Variants in ASPH observed in about 807,000 individuals in gnomAD.
The protein encoded by ASPH is aspartate beta-hydroxylase.
ASPH carries 100 observed loss-of-function variants against 118.4 expected under a neutral mutation model. The ratio of observed to expected loss-of-function variants is 0.84; its 90% CI spans 0.72 to 1.00. The LOEUF is 1.00. Ranked by LOEUF, ASPH falls within the 50% of genes least tolerant of loss-of-function variation. The pLI is 0.00. For missense variants in ASPH, 920 were observed against 919.5 expected (o/e 1.00, Z -0.01); for synonymous variants, 315 against 325.6 (o/e 0.97, Z 0.35).
At chr8:61,689,663 A>C in intron 1 of ASPH, 1 of 1,588,936 alleles carries the variant, frequency 6.3e-7, no homozygotes, top group Non-Finnish European at 8.6e-7. Context: ...CCTAAATAAC[A>C]AAAATATACC....
chr8:61,538,796 A>G (rs924020416), intron 21 of ASPH, among the ~76,000 whole-genome samples: 7 of 152,260 alleles, frequency 4.6e-5, no homozygotes, highest in African/African-American at 1.4e-4. Context: ...AAACTTATAT[A>G]TGATGCTATT....
chr8:61,681,987 T>C (rs1309616850), intron 2 of ASPH, among the ~76,000 whole-genome samples: 3 of 151,872 alleles, frequency 2.0e-5, no homozygotes, highest in Non-Finnish European at 4.4e-5. Flanking sequence ...ACAGCATTAG[T>C]ACTAAAAAAA....
At chr8:61,709,854 T>C (rs1303074983) in intron 1 of ASPH, among the ~76,000 whole-genome samples, 4 of 152,208 alleles carry the variant, frequency 2.6e-5, no homozygotes, top group Non-Finnish European at 4.4e-5. Context: ...TGAAAGTTGA[T>C]GTGCAAATGG....
intron 14 of ASPH, among the ~76,000 whole-genome samples, chr8:61,602,325 T>G (rs1228685308): frequency 1.3e-5 from 2 of 151,402 alleles, no homozygotes; most frequent in African/African-American, 4.9e-5. Flanking sequence ...TCAGTGCAAT[T>G]TATATTATAC....
rs533562117 is a variant in ASPH at position 61,607,278 on chromosome 8, A to G, written c.976+11700T>C. On this transcript the variant is annotated intron_variant, in intron 14 of 24. Coordinates refer to ENST00000379454, the MANE Select transcript of ASPH (RefSeq NM_004318.4). ...ATGAAAGGATGGCTGAAGTCCCAGG[A>G]CATGGTGCAAGCCGCCTGGCTTTCA... is the stretch of plus-strand genomic sequence containing the variant. The G allele has an allele frequency of 2.9e-4, 206 of 702,352 alleles. No homozygotes were observed. The African/African-American group carries it at 3.2e-3, about 11-fold the overall frequency. 43.5% of individuals were successfully genotyped at this position (702,352 alleles called of 1,614,324 possible). A position where few individuals can be genotyped will look rare whatever the true frequency, so the allele number is the denominator to read the frequency against.
At chr8:61,520,342 T>C (rs1812471714) in intron 22 of ASPH, among the ~76,000 whole-genome samples, 2 of 152,232 alleles carry the variant, frequency 1.3e-5, no homozygotes, top group South Asian at 4.1e-4. Context: ...AATTCCCTAT[T>C]CAAGATTCCT....
chr8:61,633,777 TTAAAA>T, intron 12 of ASPH, 50 bp from the exon 13 acceptor site: 1 of 1,300,056 alleles, frequency 7.7e-7, no homozygotes, highest in Non-Finnish European at 1.1e-6. Flanking sequence ...TGATCAGTGT[TTAAAA>T]TATGCGTTGC....
chr8:61,655,251 G>A (rs975707930), intron 3 of ASPH, among the ~76,000 whole-genome samples: 5 of 152,128 alleles, frequency 3.3e-5, no homozygotes, highest in Admixed American at 2.6e-4. Flanking sequence ...CTTCTTAGGT[G>A]CACTCCAGTA....
chr8:61,605,361 A>G (rs941257246), intron 14 of ASPH, among the ~76,000 whole-genome samples: 10 of 152,226 alleles, frequency 6.6e-5, no homozygotes, highest in Non-Finnish European at 1.2e-4. Flanking sequence ...ATATCTGTAT[A>G]GCATGACACC....
chr8:61,632,577 T>TCATCA (rs1305833916), intron 13 of ASPH: 1 of 437,094 alleles, frequency 2.3e-6, no homozygotes, highest in Non-Finnish European at 4.5e-6. Context: ...TGCCTAGTAG[T>TCATCA]CATCATGTAA....
At chr8:61,606,481 T>C (rs879890831) in intron 14 of ASPH, 5 of 152,206 alleles carry the variant, frequency 3.3e-5, no homozygotes, top group Non-Finnish European at 5.9e-5. Flanking sequence ...TCACTTTTAT[T>C]TCAAGTTTAA....
At chr8:61,712,972 T>A (rs952517053) in intron 1 of ASPH, among the ~76,000 whole-genome samples, 1 of 152,216 alleles carries the variant, frequency 6.6e-6, no homozygotes, top group African/African-American at 2.4e-5. Context: ...TTTAGGGATG[T>A]TAAAAAAGAG....
intron 21 of ASPH, among the ~76,000 whole-genome samples, chr8:61,532,083 T>A (rs992473835): frequency 6.6e-6 from 1 of 152,188 alleles, no homozygotes; most frequent in Non-Finnish European, 1.5e-5. Flanking sequence ...TGTATAATAA[T>A]TCTATTTTTA....
intron 24 of ASPH, among the ~76,000 whole-genome samples, chr8:61,505,493 C>A (rs1806138926): frequency 4.5e-5 from 5 of 110,540 alleles, no homozygotes; most frequent in South Asian, 3.1e-4. Flanking sequence ...GACTCCATCT[C>A]AAAAAAAAAA....
intron 18 of ASPH, among the ~76,000 whole-genome samples, chr8:61,558,881 C>T (rs1297285743): frequency 6.6e-6 from 1 of 152,176 alleles, no homozygotes; most frequent in Non-Finnish European, 1.5e-5. Flanking sequence ...TCCGCCTCTG[C>T]TGCCCCTGAG....
intron 14 of ASPH, among the ~76,000 whole-genome samples, chr8:61,616,281 T>C (rs1452711168): frequency 6.6e-6 from 1 of 152,098 alleles, no homozygotes; most frequent in Non-Finnish European, 1.5e-5. Flanking sequence ...TACCCGACAG[T>C]GCAGGGGAAG....
chr8:61,539,252 A>T (rs1820790239), intron 21 of ASPH, among the ~76,000 whole-genome samples: 1 of 152,090 alleles, frequency 6.6e-6, no homozygotes, highest in Admixed American at 6.5e-5. Flanking sequence ...AAATATATAT[A>T]TATTTAAAAT....
intron 14 of ASPH, among the ~76,000 whole-genome samples, chr8:61,602,442 A>C (rs1020215308): frequency 1.3e-5 from 2 of 151,446 alleles, no homozygotes; most frequent in African/African-American, 4.9e-5. Context: ...GACATAGGAA[A>C]CTTTCTCAAT....
At chr8:61,532,066 G>A (rs554844095) in intron 21 of ASPH, among the ~76,000 whole-genome samples, 2 of 152,280 alleles carry the variant, frequency 1.3e-5, no homozygotes, top group East Asian at 1.9e-4. Context: ...GAGTAGGACT[G>A]TTGAATTGTA....
Sources: gnomAD v4.1 joint callset for allele counts (sites outside exome capture counted in the v4.1 genomes callset) on GRCh38, gnomAD v4.1.1 for gene constraint, MANE v1.5 for transcripts, NCBI Gene and HGNC (gene_info 2026-07-23, HGNC 2026-07-21) for gene names.